CACNA1C: variants seen among roughly 807,000 people sequenced by gnomAD.
CACNA1C encodes voltage-dependent L-type calcium channel subunit alpha-1C.
CACNA1C carries 30 observed loss-of-function variants against 229.0 expected under a neutral mutation model. That is an observed-to-expected ratio of 0.13 (90% CI 0.10 to 0.18). The LOEUF (loss-of-function observed/expected upper bound fraction) is 0.18, where lower values mean the gene tolerates loss of function less well. Ranked by LOEUF, CACNA1C falls within the 10% of genes least tolerant of loss-of-function variation. The pLI is 1.00. For synonymous variants in CACNA1C, 1,114 were observed against 1,132.5 expected (o/e 0.98, Z 0.33); for missense variants, 1,658 against 2,845.0 (o/e 0.58, Z 9.49).
intron 29 of CACNA1C, among the ~76,000 whole-genome samples, chr12:2,629,547 T>C (rs921420252): frequency 2.6e-5 from 4 of 152,186 alleles, no homozygotes; most frequent in African/African-American, 9.7e-5. Context: ...CTCAACTCTG[T>C]GCTTTATCCC....
chr12:2,619,348 T>G (rs1284927924), intron 29 of CACNA1C, among the ~76,000 whole-genome samples: 1 of 152,232 alleles, frequency 6.6e-6, no homozygotes, highest in Non-Finnish European at 1.5e-5. Context: ...CTGGGGAGTT[T>G]GCGCCCAGCC....
At chr12:2,394,718 G>A (rs1468081807) in intron 3 of CACNA1C, among the ~76,000 whole-genome samples, 1 of 152,080 alleles carries the variant, frequency 6.6e-6, no homozygotes, top group Admixed American at 6.6e-5. Context: ...GGACACCTCT[G>A]TCAGGAAGAG....
intron 18 of CACNA1C, among the ~76,000 whole-genome samples, chr12:2,589,161 C>T (rs2063944633): frequency 2.0e-5 from 3 of 152,290 alleles, no homozygotes; most frequent in South Asian, 2.1e-4. Flanking sequence ...GTGCTAGGTA[C>T]CAGGGACATG....
chr12:2,580,538 C>T (rs1399649445), intron 13 of CACNA1C, among the ~76,000 whole-genome samples: 1 of 152,244 alleles, frequency 6.6e-6, no homozygotes, highest in Non-Finnish European at 1.5e-5. Context: ...TGTTCTTGCT[C>T]TTGCTCCCTC....
At position 2,607,145 on chromosome 12, in the gene CACNA1C, C is replaced by A. The variant is rs1330501233; in HGVS notation, c.3356+15C>A. ...GGGTGGCCAGAGTGAGTATGCAAAGCAAGGCCCCACGAGCCCTGACATTCA... is the reference window on the plus strand; with the variant it reads ...GGGTGGCCAGAGTGAGTATGCAAAGAAAGGCCCCACGAGCCCTGACATTCA... On this transcript the variant is annotated intron_variant, in intron 26 of 46. Coordinates refer to ENST00000399655, the MANE Select transcript of CACNA1C (RefSeq NM_000719.7). 9 of 1,604,424 alleles carry A rather than the reference C, an allele frequency of 5.6e-6. No homozygotes were observed. Among genetic ancestry groups the A allele is most frequent in the Non-Finnish European group, 6.8e-6 (8 of 1,174,532 alleles).
At chr12:2,247,803 C>G (rs2074002100) in intron 3 of CACNA1C, among the ~76,000 whole-genome samples, 1 of 152,158 alleles carries the variant, frequency 6.6e-6, no homozygotes, top group Non-Finnish European at 1.5e-5. Flanking sequence ...TAGTCTCGTT[C>G]TCACCTGCTC....
At chr12:2,097,350 G>A (rs897594331) in intron 1 of CACNA1C, among the ~76,000 whole-genome samples, 2 of 151,970 alleles carry the variant, frequency 1.3e-5, no homozygotes, top group East Asian at 1.9e-4. Flanking sequence ...GTTTCACCAT[G>A]TTAGCCAGGA....
chr12:2,494,695 C>T (rs529754388), intron 7 of CACNA1C, among the ~76,000 whole-genome samples: 1 of 152,314 alleles, frequency 6.6e-6, no homozygotes, highest in African/African-American at 2.4e-5. Flanking sequence ...TGTAACTGTA[C>T]GGAGATTTGG....
intron 1 of CACNA1C, among the ~76,000 whole-genome samples, chr12:2,009,394 G>T (rs546929290): frequency 1.3e-5 from 2 of 152,178 alleles, no homozygotes; most frequent in Admixed American, 1.3e-4. Flanking sequence ...GGTTTTGTAG[G>T]CATGAATGAA....
At chr12:2,407,252 T>C (rs2098748483) in intron 3 of CACNA1C, among the ~76,000 whole-genome samples, 1 of 152,138 alleles carries the variant, frequency 6.6e-6, no homozygotes, top group African/African-American at 2.4e-5. Flanking sequence ...AGTTCAGTTT[T>C]CTCACATCGT....
intron 3 of CACNA1C, among the ~76,000 whole-genome samples, chr12:2,177,634 C>CTCTTTCTTTCTTTCTTTCTTTCTTTCTT (rs755417751): frequency 6.2e-5 from 7 of 112,870 alleles, no homozygotes; most frequent in African/African-American, 2.6e-4. Context: ...CCTTCTCTCT[C>CTCTTTCTTTCTTTCTTTCTTTCTTTCTT]TCTTTCTTTC....
intron 11 of CACNA1C, among the ~76,000 whole-genome samples, chr12:2,560,708 T>C (rs1486058140): frequency 1.3e-5 from 2 of 152,072 alleles, no homozygotes. Context: ...GCTTCCAATG[T>C]TCTCTTCACT....
intron 6 of CACNA1C, among the ~76,000 whole-genome samples, chr12:2,492,542 C>T (rs760718984): frequency 3.9e-5 from 6 of 152,238 alleles, no homozygotes; most frequent in South Asian, 2.1e-4. Flanking sequence ...AGGAAAACGG[C>T]TGCAGGTGAT....
Position 2,677,009 on chromosome 12 carries a change from TG to T in CACNA1C, c.4829-83del. 1 of 1,171,728 alleles carries T rather than the reference TG, an allele frequency of 8.5e-7. No homozygotes were observed. Among genetic ancestry groups the T allele is most frequent in the Non-Finnish European group, 1.2e-6 (1 of 806,142 alleles). 72.6% of individuals were successfully genotyped at this position (1,171,728 alleles called of 1,614,324 possible). A position where few individuals can be genotyped will look rare whatever the true frequency, so the allele number is the denominator to read the frequency against. Reference sequence around the variant, plus strand: ...AAAATATTAAAGTTTTAAAAAGTTTTGGATGCTGAAAAAAAAAATGAATGAA... The same window carrying T: ...AAAATATTAAAGTTTTAAAAAGTTTTGATGCTGAAAAAAAAAATGAATGAA... On this transcript the variant is annotated intron_variant, in intron 39 of 46. Coordinates refer to ENST00000399655, the MANE Select transcript of CACNA1C (RefSeq NM_000719.7). This position sits in a 1 kb window ranked among gnomAD's most constrained non-coding sequence, Gnocchi z 7.4.
chr12:2,075,744 G>C (rs977941988), intron 1 of CACNA1C, among the ~76,000 whole-genome samples: 2 of 152,206 alleles, frequency 1.3e-5, no homozygotes, highest in East Asian at 1.9e-4. Flanking sequence ...CCCAACCTCA[G>C]ATGTAGAACA....
At chr12:2,589,318 C>T (rs2064024144) in intron 18 of CACNA1C, among the ~76,000 whole-genome samples, 1 of 152,240 alleles carries the variant, frequency 6.6e-6, no homozygotes, top group Non-Finnish European at 1.5e-5. Context: ...TTAGGGGATA[C>T]TCAGGGGTCA....
intron 3 of CACNA1C, among the ~76,000 whole-genome samples, chr12:2,191,608 G>T (rs1208293379): frequency 2.0e-5 from 3 of 150,046 alleles, no homozygotes; most frequent in African/African-American, 7.4e-5. Flanking sequence ...ACACACATGC[G>T]CTCAGGCACA....
At chr12:2,525,595 G>C (rs1230291550) in intron 9 of CACNA1C, among the ~76,000 whole-genome samples, 1 of 152,080 alleles carries the variant, frequency 6.6e-6, no homozygotes, top group Non-Finnish European at 1.5e-5. Flanking sequence ...CCCACAAGCA[G>C]TCCCCTTACC....
At chr12:2,066,686 G>C (rs1297525567) in intron 1 of CACNA1C, among the ~76,000 whole-genome samples, 2 of 152,178 alleles carry the variant, frequency 1.3e-5, no homozygotes, top group African/African-American at 4.8e-5. Flanking sequence ...TGGCACATGA[G>C]AGATTGGAAA....
Sources: allele counts gnomAD v4.1 joint callset (sites outside exome capture counted in the v4.1 genomes callset), GRCh38; gene constraint gnomAD v4.1.1; non-coding constraint Gnocchi (gnomAD v3.1); transcripts MANE v1.5; gene names NCBI Gene and HGNC (gene_info 2026-07-23, HGNC 2026-07-21).